The following ZNF385D variants were observed in gnomAD, a reference collection of about 807,000 sequenced individuals.
ZNF385D encodes zinc finger protein 659.
Under a neutral mutation model 35.8 loss-of-function variants are expected in ZNF385D, and 15 were observed. That is an observed-to-expected ratio of 0.42 (90% CI 0.28 to 0.64). The LOEUF is 0.64. Among genes scored for constraint, ZNF385D ranks in the 30% least tolerant of loss-of-function variants. The pLI is 0.23. For synonymous variants in ZNF385D, 212 were observed against 186.8 expected (o/e 1.13, Z -1.10); for missense variants, 474 against 494.6 (o/e 0.96, Z 0.39).
chr3:21,796,117 G>A (rs1406294770), intron 3 of ZNF385D, among the ~76,000 whole-genome samples: 1 of 151,934 alleles, frequency 6.6e-6, no homozygotes, highest in Non-Finnish European at 1.5e-5. Flanking sequence ...TATTTTTTTT[G>A]TAATCAAGTT....
In ZNF385D at chr3:21,521,179, G is replaced by A. The variant is rs73134906; in HGVS notation, c.277-10156C>T. ...GATCCACAGGGTCCACAAAATAATGGCTTACAGTTGAGCCAAATGTTTTGC... is the reference window on the plus strand; with the variant it reads ...GATCCACAGGGTCCACAAAATAATGACTTACAGTTGAGCCAAATGTTTTGC... On this transcript the variant is annotated intron_variant, in intron 3 of 7. Transcript: ENST00000281523. 3.8e-3 allele frequency among the ~76,000 whole-genome samples: 580 copies of A among 152,288 alleles called. 3 individuals are homozygous for A. The highest frequency in any genetic ancestry group is 0.013 in the African/African-American group (560 of 41,574).
At chr3:21,734,826 G>A (rs1484231767) in intron 1 of ZNF385D, among the ~76,000 whole-genome samples, 2 of 152,154 alleles carry the variant, frequency 1.3e-5, no homozygotes, top group African/African-American at 2.4e-5. Flanking sequence ...GGACAGCCAA[G>A]TTTTGTTTGA....
At chr3:21,543,316 A>T (rs1395709437) in intron 3 of ZNF385D, among the ~76,000 whole-genome samples, 2 of 152,200 alleles carry the variant, frequency 1.3e-5, no homozygotes, top group African/African-American at 4.8e-5. Context: ...ACTATCTCGG[A>T]AAACCGCTCA....
At chr3:22,331,874 C>A (rs1177699252) in intron 2 of ZNF385D, among the ~76,000 whole-genome samples, 2 of 152,070 alleles carry the variant, frequency 1.3e-5, no homozygotes, top group Non-Finnish European at 1.5e-5. Context: ...TAGGTAATTT[C>A]TATAGTAACT....
At chr3:22,066,320 A>ATGTGTGTGTG (rs10627613) in intron 3 of ZNF385D, among the ~76,000 whole-genome samples, 2,606 of 149,288 alleles carry the variant, frequency 0.017, 36 homozygotes, top group African/African-American at 0.041. Flanking sequence ...GTGTGTGTGT[A>ATGTGTGTGTG]TGTGTGTGTA....
intron 2 of ZNF385D, among the ~76,000 whole-genome samples, chr3:21,591,586 T>G (rs1468117055): frequency 2.6e-5 from 4 of 152,166 alleles, no homozygotes; most frequent in African/African-American, 9.6e-5. Flanking sequence ...ATCATAAGTA[T>G]TTGCTACATT....
chr3:22,181,055 C>T lies in ZNF385D; in HGVS notation c.107-12020G>A, dbSNP rs2125779054. The stretch of plus-strand genomic sequence containing the variant: ...ATACTTTGGTGATTTCAACTGCTGT[C>T]CATGCCTAGTCTTTTTGTAATATAG... On this transcript the variant is annotated intron_variant, in intron 2 of 5. Coordinates refer to the ZNF385D transcript ENST00000494108. Among the ~76,000 whole-genome samples, 2 of 151,686 alleles carry T rather than the reference C, an allele frequency of 1.3e-5. 1 individual carries two copies. Among genetic ancestry groups the T allele is most frequent in the South Asian group, 4.2e-4 (2 of 4,802 alleles).
At chr3:22,325,611 C>T (rs1450264312) in intron 2 of ZNF385D, among the ~76,000 whole-genome samples, 3 of 151,920 alleles carry the variant, frequency 2.0e-5, no homozygotes, top group Non-Finnish European at 4.4e-5. Flanking sequence ...TTATAAAACT[C>T]AGCCGGGCAT....
chr3:22,080,458 A>C (rs1183551158), intron 3 of ZNF385D, among the ~76,000 whole-genome samples: 4 of 152,128 alleles, frequency 2.6e-5, no homozygotes, highest in East Asian at 1.9e-4. Flanking sequence ...GGAAACTCAT[A>C]AGCTTTGAAG....
intron 3 of ZNF385D, among the ~76,000 whole-genome samples, chr3:21,532,955 G>T (rs2061958182): frequency 6.6e-6 from 1 of 152,182 alleles, no homozygotes; most frequent in South Asian, 2.1e-4. Context: ...TCATGCAACT[G>T]CTTCACACAG....
chr3:22,290,960 G>A (rs992210641), intron 2 of ZNF385D, among the ~76,000 whole-genome samples: 2 of 152,034 alleles, frequency 1.3e-5, no homozygotes, highest in Non-Finnish European at 2.9e-5. Flanking sequence ...CGGGCATGAG[G>A]AACAAGAGAC....
chr3:21,546,696 T>G (rs2062384145), intron 3 of ZNF385D, among the ~76,000 whole-genome samples: 1 of 152,030 alleles, frequency 6.6e-6, no homozygotes, highest in Admixed American at 6.5e-5. Flanking sequence ...TCCTGCCATT[T>G]AAGCCAGCCG....
intron 2 of ZNF385D, among the ~76,000 whole-genome samples, chr3:22,272,990 C>T (rs1430853078): frequency 6.6e-6 from 1 of 151,460 alleles, no homozygotes; most frequent in African/African-American, 2.4e-5. Context: ...AACTTATTTC[C>T]TAGATATATA....
chr3:22,179,424 G>A (rs1695067165), intron 2 of ZNF385D, among the ~76,000 whole-genome samples: 1 of 152,220 alleles, frequency 6.6e-6, no homozygotes, highest in African/African-American at 2.4e-5. Context: ...TATGATTTTT[G>A]CACACTGATT....
chr3:21,722,086 T>A (rs575653922), intron 1 of ZNF385D, among the ~76,000 whole-genome samples: 8 of 120,540 alleles, frequency 6.6e-5, no homozygotes, highest in Middle Eastern at 4.9e-3. Flanking sequence ...GGAGACAGAG[T>A]GAGACTCTGT....
At chr3:22,278,393 T>G (rs1701542525) in intron 2 of ZNF385D, among the ~76,000 whole-genome samples, 1 of 152,122 alleles carries the variant, frequency 6.6e-6, no homozygotes, top group South Asian at 2.1e-4. Flanking sequence ...CTGAGCCTCA[T>G]GAAAGAGTTT....
At chr3:22,092,265 A>C (rs992984043) in intron 3 of ZNF385D, among the ~76,000 whole-genome samples, 3 of 152,158 alleles carry the variant, frequency 2.0e-5, no homozygotes, top group African/African-American at 7.2e-5. Flanking sequence ...AGAAGCTACT[A>C]AGGGGGAAAT....
intron 2 of ZNF385D, among the ~76,000 whole-genome samples, chr3:22,180,371 G>T (rs9754728): frequency 0.063 from 9,589 of 152,184 alleles, 600 homozygotes; most frequent in African/African-American, 0.16. Flanking sequence ...GAGGAGCTGG[G>T]ACCATTCCTT....
At chr3:21,836,072 T>C (rs1162956548) in intron 3 of ZNF385D, among the ~76,000 whole-genome samples, 2 of 152,094 alleles carry the variant, frequency 1.3e-5, no homozygotes, top group African/African-American at 2.4e-5. Context: ...AGGTACACTG[T>C]TACAATAACT....
Sources: allele counts gnomAD v4.1 joint callset (sites outside exome capture counted in the v4.1 genomes callset), GRCh38; gene constraint gnomAD v4.1.1; transcripts MANE v1.5; gene names NCBI Gene and HGNC (gene_info 2026-07-23, HGNC 2026-07-21).